PIGN: variants seen among roughly 807,000 people sequenced by gnomAD.
PIGN encodes phosphatidylinositol glycan anchor biosynthesis class N, also known as GPI ethanolamine phosphate transferase 1.
Under a neutral mutation model 125.4 loss-of-function variants are expected in PIGN, and 117 were observed. The observed-to-expected ratio is 0.93, with a 90% CI of 0.80 to 1.09. The LOEUF is 1.09. Ranked by LOEUF, PIGN falls within the 50% of genes least tolerant of loss-of-function variation. PIGN has a pLI of 0.00. For synonymous variants in PIGN, 392 were observed against 377.8 expected (o/e 1.04, Z -0.44); for missense variants, 1,075 against 1,094.9 (o/e 0.98, Z 0.26).
downstream of PIGN, among the ~76,000 whole-genome samples, chr18:62,037,753 T>C (rs562074099): frequency 6.6e-6 from 1 of 152,336 alleles, no homozygotes; most frequent in African/African-American, 2.4e-5. Context: ...TGTTTGTTGC[T>C]TTTGCTGAAG....
At chr18:62,092,754 C>T (rs187262186) in intron 23 of PIGN, among the ~76,000 whole-genome samples, 9 of 151,986 alleles carry the variant, frequency 5.9e-5, no homozygotes, top group South Asian at 2.1e-4. Flanking sequence ...TTCCTACTTT[C>T]GATAATGTGA....
In PIGN at chr18:62,102,883, C is replaced by G; in HGVS notation, c.1879G>C (p.Val627Leu). The G allele has an allele frequency of 1.9e-6, 3 of 1,581,574 alleles. No homozygotes were observed. Among genetic ancestry groups the G allele is most frequent in the Non-Finnish European group, 2.6e-6 (3 of 1,162,546 alleles). Reference sequence around the variant, plus strand: ...ACAACACACAGGGATAACAGAAGAACCAGCAAGCCTGCACCCATCCTGTTT... The same window carrying G: ...ACAACACACAGGGATAACAGAAGAAGCAGCAAGCCTGCACCCATCCTGTTT... ...ISLVMGAGLL[V>L]LLLSLCVVTS... is the part of the protein sequence containing the mutation. The change falls in exon 21 of 31, where the codon GTT becomes CTT. Residue 627 changes from valine (V) to leucine (L), a missense_variant. Around this residue, in one of 3 missense-constraint regions of PIGN, gnomAD observed 915 missense variants for 908.7 expected, o/e 1.01. Coordinates refer to ENST00000640252, the MANE Select transcript of PIGN (RefSeq NM_176787.5).
In PIGN at chr18:62,109,706, C is replaced by T. The variant is rs1599543002; in HGVS notation, c.1574+128G>A. 1.0e-5 allele frequency: 7 copies of T among 668,912 alleles called. No homozygotes were observed. In the South Asian group the frequency reaches 2.2e-4, roughly 21 times the overall value. 41.4% of individuals were successfully genotyped at this position (668,912 alleles called of 1,614,324 possible). ...GCAGTTATAAATGAAGTGAGAGGGA[C>T]TGGAGGTTTGAAAGTACAGTATTAT... On this transcript the variant is annotated intron_variant, in intron 17 of 30. Transcript: ENST00000640252.
chr18:62,163,712 T>G (rs2037034590), intron 1 of PIGN, 56 bp from the exon 2 acceptor site: 1 of 152,158 alleles, frequency 6.6e-6, no homozygotes, highest in Non-Finnish European at 1.5e-5. Flanking sequence ...ATTTACCATT[T>G]TAGACATTTT....
In PIGN at chr18:62,074,783, G is replaced by C. The variant is rs1193256371; in HGVS notation, c.2615C>G (p.Ala872Gly). ...GACTACCCAGTAATGCCTTACCAAAGCCATAATGTCTGATATGACGAGAAC... is the reference window on the plus strand; with the variant it reads ...GACTACCCAGTAATGCCTTACCAAACCCATAATGTCTGATATGACGAGAAC... ...LIVLVISDIM[A>G]LHFFFLVKDY... Residue 872 changes from alanine to glycine, a missense_variant, in exon 29 of 31, where the codon GCT becomes GGT. By Grantham distance (60) the Ala-to-Gly change is moderately conservative. This residue lies in a region of PIGN where 915 missense variants were observed against 908.7 expected (regional missense o/e 1.01). Coordinates refer to ENST00000640252, the MANE Select transcript of PIGN (RefSeq NM_176787.5). 3 of 1,602,662 alleles carry C rather than the reference G, an allele frequency of 1.9e-6. No individual in the cohort carries two copies. The highest frequency in any genetic ancestry group is 1.7e-6 in the Non-Finnish European group (2 of 1,171,162).
At chr18:62,129,585 C>T (rs941171214) in intron 14 of PIGN, among the ~76,000 whole-genome samples, 2 of 152,168 alleles carry the variant, frequency 1.3e-5, no homozygotes, top group African/African-American at 2.4e-5. Context: ...AACAGTCACT[C>T]ATAATACATT....
chr18:62,079,719 A>C (rs1343601417), intron 28 of PIGN, among the ~76,000 whole-genome samples: 2 of 147,004 alleles, frequency 1.4e-5, no homozygotes, highest in African/African-American at 5.1e-5. Flanking sequence ...CTGTAGAAGA[A>C]AAAAAAAAAA....
chr18:62,036,233 ATTG>A (rs371093980), downstream of PIGN, among the ~76,000 whole-genome samples: 166 of 151,460 alleles, frequency 1.1e-3, 1 homozygote, highest in African/African-American at 3.8e-3. Flanking sequence ...TTTCTTTTTA[ATTG>A]TTGTTGTTGT....
chr18:62,114,533 T>C, intron 15 of PIGN, 28 bp downstream of exon 15: 1 of 1,332,846 alleles, frequency 7.5e-7, no homozygotes, highest in South Asian at 1.3e-5. Context: ...TAATCAGCTA[T>C]TTATGTCTAT....
Position 62,045,081 on chromosome 18 carries a change from C to T in PIGN, c.*775G>A, listed in dbSNP as rs1002057673. On this transcript the variant is annotated 3_prime_UTR_variant, in exon 31 of 31. Coordinates refer to ENST00000640252, the MANE Select transcript of PIGN (RefSeq NM_176787.5). Reference sequence around the variant, plus strand: ...AATTCAAAGGGAAAGAAACAATATACGAAAAAGCTATGGGGTAACAGATGT... The same window carrying T: ...AATTCAAAGGGAAAGAAACAATATATGAAAAAGCTATGGGGTAACAGATGT... 10 of 151,764 alleles carry T rather than the reference C, an allele frequency of 6.6e-5. No homozygotes were observed. Among genetic ancestry groups the T allele is most frequent in the Admixed American group, 2.6e-4 (4 of 15,252 alleles). The allele number at this position is 151,764 out of a possible 1,614,324, so 9.4% of individuals were successfully genotyped here. A position where few individuals can be genotyped will look rare whatever the true frequency, so the allele number is the denominator to read the frequency against.
Position 62,055,886 on chromosome 18 carries a change from G to A in PIGN, c.2673-9907C>T, listed in dbSNP as rs143142813. 4.7e-3 allele frequency among the ~76,000 whole-genome samples: 719 copies of A among 151,456 alleles called. 10 individuals are homozygous for A. The highest frequency in any genetic ancestry group is 0.017 in the African/African-American group (688 of 41,306). On this transcript the variant is annotated intron_variant, in intron 30 of 30. Coordinates refer to ENST00000640252, the MANE Select transcript of PIGN (RefSeq NM_176787.5). ...TCTCTTTTCCCATTGCATCTCTAAC[G>A]TCTCATGCAAGGTCTTATAGGCACT...
At chr18:62,143,238 T>A in intron 11 of PIGN, 68 bp downstream of exon 11, 2 of 784,670 alleles carry the variant, frequency 2.5e-6, no homozygotes, top group Non-Finnish European at 4.3e-6. Flanking sequence ...CTCTTTTTCA[T>A]AGTTTTTGTC....
chr18:62,040,505 C>T (rs565383081), downstream of PIGN, among the ~76,000 whole-genome samples: 11 of 152,236 alleles, frequency 7.2e-5, no homozygotes, highest in African/African-American at 2.4e-4. Context: ...GGAGGAAGTC[C>T]GTGTAGCTAA....
chr18:62,146,888 C>A, intron 9 of PIGN, 83 bp downstream of exon 9: 1 of 1,398,348 alleles, frequency 7.2e-7, no homozygotes, highest in Non-Finnish European at 9.9e-7. Context: ...GACATCTAAT[C>A]CTCTCAACAT....
chr18:62,047,956 C>A (rs922299478), intron 30 of PIGN, among the ~76,000 whole-genome samples: 1 of 151,584 alleles, frequency 6.6e-6, no homozygotes, highest in Non-Finnish European at 1.5e-5. Flanking sequence ...AACAAACACA[C>A]AAAAAAACAG....
chr18:62,111,088 A>G (rs2034860679), intron 16 of PIGN, among the ~76,000 whole-genome samples: 1 of 152,020 alleles, frequency 6.6e-6, no homozygotes, highest in Admixed American at 6.6e-5. Context: ...TTTTGAAGGA[A>G]GCATGGCATA....
chr18:62,103,352 A>G (rs1233450772), intron 20 of PIGN, among the ~76,000 whole-genome samples: 1 of 152,138 alleles, frequency 6.6e-6, no homozygotes, highest in African/African-American at 2.4e-5. Flanking sequence ...TACATATATA[A>G]CCCACATTAT....
At chr18:62,027,716 T>G (rs2030141834) in intron 23 of PIGN, among the ~76,000 whole-genome samples, 1 of 152,158 alleles carries the variant, frequency 6.6e-6, no homozygotes, top group African/African-American at 2.4e-5. Flanking sequence ...TTAGCAATTT[T>G]GGGTCGCCAA....
downstream of PIGN, among the ~76,000 whole-genome samples, chr18:62,037,522 A>G (rs1338397831): frequency 1.3e-5 from 2 of 152,216 alleles, no homozygotes; most frequent in African/African-American, 4.8e-5. Context: ...CAGCACAACC[A>G]CTGCCTCTTA....
Sources: allele counts gnomAD v4.1 joint callset (sites outside exome capture counted in the v4.1 genomes callset), GRCh38; gene constraint gnomAD v4.1.1; regional missense constraint gnomAD v4.1.1; transcripts MANE v1.5; gene names NCBI Gene and HGNC (gene_info 2026-07-23, HGNC 2026-07-21).